PCDH9: variants seen among roughly 807,000 people sequenced by gnomAD.
The protein encoded by PCDH9 is protocadherin 9, also known as protocadherin-9.
Under a neutral mutation model 70.6 loss-of-function variants are expected in PCDH9, and 24 were observed. That is an observed-to-expected ratio of 0.34 (90% CI 0.25 to 0.48). The LOEUF (loss-of-function observed/expected upper bound fraction) is 0.48, where lower values mean the gene tolerates loss of function less well. Ranked by LOEUF, PCDH9 falls within the 20% of genes least tolerant of loss-of-function variation. The pLI is 0.99. For synonymous variants in PCDH9, 562 were observed against 558.5 expected (o/e 1.01, Z -0.09); for missense variants, 1,281 against 1,503.6 (o/e 0.85, Z 2.45).
chr13:66,588,630 T>C (rs1375910082), intron 4 of PCDH9, among the ~76,000 whole-genome samples: 1 of 151,916 alleles, frequency 6.6e-6, no homozygotes, highest in Non-Finnish European at 1.5e-5. Flanking sequence ...TTCCCTACAA[T>C]CTATTATACC....
At chr13:66,679,994 T>C (rs1275821532) in intron 3 of PCDH9, among the ~76,000 whole-genome samples, 1 of 151,932 alleles carries the variant, frequency 6.6e-6, no homozygotes, top group Non-Finnish European at 1.5e-5. Context: ...CTCACTATGG[T>C]TTTCATAAAT....
chr13:66,914,911 A>C (rs2082532916), intron 2 of PCDH9: 1 of 151,788 alleles, frequency 6.6e-6, no homozygotes, highest in South Asian at 2.1e-4. Context: ...TTATTTCTAC[A>C]ATGTGTGTGT....
intron 3 of PCDH9, among the ~76,000 whole-genome samples, chr13:66,677,950 T>C (rs1435688774): frequency 6.6e-6 from 1 of 152,170 alleles, no homozygotes; most frequent in African/African-American, 2.4e-5. Context: ...TTCAAAATAC[T>C]TGCTTTGCAC....
chr13:67,131,486 A>G (rs2087110140), intron 2 of PCDH9, among the ~76,000 whole-genome samples: 1 of 152,170 alleles, frequency 6.6e-6, no homozygotes, highest in African/African-American at 2.4e-5. Context: ...AAATCTCCTA[A>G]TTTTTAATAC....
At chr13:66,652,037 C>T in intron 3 of PCDH9, among the ~76,000 whole-genome samples, 1 of 152,148 alleles carries the variant, frequency 6.6e-6, no homozygotes, top group Admixed American at 6.5e-5. Context: ...ATATGACAGA[C>T]CCAGAGCTAG....
At chr13:67,024,882 T>A (rs1462471516) in intron 2 of PCDH9, among the ~76,000 whole-genome samples, 1 of 152,166 alleles carries the variant, frequency 6.6e-6, no homozygotes, top group Non-Finnish European at 1.5e-5. Context: ...AGTACTCACA[T>A]AATTGATGAA....
At position 67,227,304 on chromosome 13, in the gene PCDH9, G is replaced by T. The variant is rs751014268; in HGVS notation, c.1137C>A (p.Val379=). ...GTVYLSEKDP[V]NTKIALITVS... is the part of the protein sequence containing the mutation. ...CTGTAATTAGGGCAATCTTTGTATT[G>T]ACAGGATCTTTCTCAGATAAATACA... The change falls in exon 2 of 5, where the codon GTC becomes GTA. Residue 379 remains valine (V), a synonymous_variant. Coordinates refer to ENST00000377865, the MANE Select transcript of PCDH9 (RefSeq NM_203487.3). This position sits in a 1 kb window ranked among gnomAD's most constrained non-coding sequence, Gnocchi z 4.6. 1.9e-6 allele frequency: 3 copies of T among 1,613,344 alleles called. No homozygotes were observed. The Admixed American group carries it at 5.0e-5, about 27-fold the overall frequency.
At chr13:67,061,321 C>A (rs751951589) in intron 2 of PCDH9, among the ~76,000 whole-genome samples, 5 of 151,986 alleles carry the variant, frequency 3.3e-5, no homozygotes, top group South Asian at 2.1e-4. Flanking sequence ...ACTACCTCAA[C>A]TGAACTGCAA....
intron 4 of PCDH9, among the ~76,000 whole-genome samples, chr13:66,375,937 TACAGTGCATCTAATAAGAA>T (rs1956738763): frequency 6.6e-6 from 1 of 151,884 alleles, no homozygotes; most frequent in African/African-American, 2.4e-5. Flanking sequence ...CCTCTGTGAG[TACAGTGCATCTAATAAGAA>T]ACAGATGTTC....
At chr13:66,893,417 G>A (rs1411685910) in intron 3 of PCDH9, among the ~76,000 whole-genome samples, 3 of 152,108 alleles carry the variant, frequency 2.0e-5, no homozygotes, top group Non-Finnish European at 2.9e-5. Context: ...CTTATCTGGG[G>A]TTTAATCCAA....
intron 4 of PCDH9, among the ~76,000 whole-genome samples, chr13:66,478,219 A>G (rs1958768901): frequency 6.6e-6 from 1 of 152,304 alleles, no homozygotes; most frequent in Middle Eastern, 3.4e-3. Context: ...AGTGAACTTA[A>G]TAAATGTTGT....
At chr13:66,711,762 G>A (rs1343302224) in intron 3 of PCDH9, among the ~76,000 whole-genome samples, 2 of 152,104 alleles carry the variant, frequency 1.3e-5, no homozygotes, top group Non-Finnish European at 2.9e-5. Context: ...CTTTTACGAT[G>A]TTAGCCATGA....
At chr13:67,043,033 T>C (rs1207760807) in intron 2 of PCDH9, among the ~76,000 whole-genome samples, 1 of 152,158 alleles carries the variant, frequency 6.6e-6, no homozygotes, top group Non-Finnish European at 1.5e-5. Flanking sequence ...TTAAAGAATT[T>C]TTACAAGTTT....
intron 2 of PCDH9, among the ~76,000 whole-genome samples, chr13:67,091,413 T>C (rs2086215536): frequency 6.6e-6 from 1 of 152,160 alleles, no homozygotes; most frequent in African/African-American, 2.4e-5. Flanking sequence ...TTTCTAAACC[T>C]CCAACTACAA....
chr13:66,345,995 A>G (rs1956207132), intron 4 of PCDH9, among the ~76,000 whole-genome samples: 1 of 152,184 alleles, frequency 6.6e-6, no homozygotes, highest in South Asian at 2.1e-4. Context: ...CAAGAAATAA[A>G]TTAGTGTACT....
intron 3 of PCDH9, among the ~76,000 whole-genome samples, chr13:66,678,459 C>T (rs906613556): frequency 6.6e-6 from 1 of 151,948 alleles, no homozygotes; most frequent in African/African-American, 2.4e-5. Context: ...CAAAATTGAA[C>T]ACAAAACTTT....
intron 3 of PCDH9, among the ~76,000 whole-genome samples, chr13:66,866,960 C>A (rs1165644284): frequency 1.3e-5 from 2 of 151,354 alleles, no homozygotes; most frequent in African/African-American, 2.4e-5. Flanking sequence ...GAAAACCAAA[C>A]ACTAACTGTG....
At chr13:67,177,590 C>T (rs1406757567) in intron 2 of PCDH9, among the ~76,000 whole-genome samples, 1 of 152,040 alleles carries the variant, frequency 6.6e-6, no homozygotes, top group Non-Finnish European at 1.5e-5. Context: ...TCTGAAGATA[C>T]AACCTTACAA....
intron 2 of PCDH9, among the ~76,000 whole-genome samples, chr13:67,003,317 A>T (rs1289081381): frequency 6.6e-6 from 1 of 152,164 alleles, no homozygotes; most frequent in African/African-American, 2.4e-5. Context: ...AAGCCATTTT[A>T]TATATATAAA....
Sources: gnomAD v4.1 joint callset for allele counts (sites outside exome capture counted in the v4.1 genomes callset) on GRCh38, gnomAD v4.1.1 for gene constraint, Gnocchi (gnomAD v3.1) non-coding constraint, MANE v1.5 for transcripts, NCBI Gene and HGNC (gene_info 2026-07-23, HGNC 2026-07-21) for gene names.